Variants in TP53AIP1 observed in about 807,000 individuals in gnomAD.
The protein encoded by TP53AIP1 is tumor protein p53 regulated apoptosis inducing protein 1.
A neutral mutation model predicts 9.5 loss-of-function variants in TP53AIP1; 14 were observed. That is an observed-to-expected ratio of 1.47 (90% CI 0.97 to 2.30). The LOEUF is 2.30. Among genes scored for constraint, TP53AIP1 ranks in the 30% most tolerant of loss-of-function variants. The pLI is 0.00. For missense variants in TP53AIP1, 153 were observed against 146.7 expected, an observed-to-expected ratio of 1.04 and a Z score of -0.22; for synonymous variants, 73 against 61.2, an observed-to-expected ratio of 1.19 and a Z score of -0.90.
At chr11:128,942,312 C>G (rs10893937) in intron 1 of TP53AIP1, among the ~76,000 whole-genome samples, 45,051 of 152,072 alleles carry the variant, frequency 0.3, 7,131 homozygotes, top group Middle Eastern at 0.43. Context: ...AGGGGCCCTG[C>G]TCAGTGTCCA....
In TP53AIP1 at chr11:128,935,656, T is replaced by C. The variant is rs774776079; in HGVS notation, c.310A>G (p.Arg104Gly). The C allele has an allele frequency of 1.9e-6, 3 of 1,588,934 alleles. No homozygotes were observed. Among genetic ancestry groups the C allele is most frequent in the Non-Finnish European group, 2.6e-6 (3 of 1,175,360 alleles). The change falls in exon 4 of 4, where the codon AGG becomes GGG. Residue 104 changes from arginine to glycine, a missense_variant. By Grantham distance (125) the Arg-to-Gly change is moderately radical. Transcript: ENST00000531399. ...FLPGATVLRDRPLGSAFELSY... is the reference protein window; with the variant it reads ...FLPGATVLRDGPLGSAFELSY... ...AGCTCAAATGCTGACCCCAGTGGCC[T>C]GTCTCTAAGCACTGTGGCTCCAGGA...
At chr11:128,940,255 C>T (rs1277287193) in intron 1 of TP53AIP1, among the ~76,000 whole-genome samples, 1 of 152,162 alleles carries the variant, frequency 6.6e-6, no homozygotes, top group Non-Finnish European at 1.5e-5. Flanking sequence ...GACAGCTATC[C>T]TCTGTCCTGC....
Position 128,937,218 on chromosome 11 carries a change from A to C in TP53AIP1, c.141+460T>G. On this transcript the variant is annotated intron_variant, in intron 2 of 3. Transcript: ENST00000531399. This position sits in a 1 kb window ranked among gnomAD's most constrained non-coding sequence, Gnocchi z 4.8. The stretch of plus-strand genomic sequence containing the variant: ...AGGAAACGACTTCTTGGAGTAAGTG[A>C]CTGGTGCTCCGAGGCCCATCTGGAC... 8.2e-7 allele frequency: 1 copy of C among 1,216,120 alleles called. No individual in the cohort carries two copies. Among genetic ancestry groups the C allele is most frequent in the East Asian group, 3.7e-5 (1 of 27,184 alleles). The allele number at this position is 1,216,120 out of a possible 1,614,324, so 75.3% of individuals were successfully genotyped here. A position where few individuals can be genotyped will look rare whatever the true frequency, so the allele number is the denominator to read the frequency against.
chr11:128,935,218 C>T (rs1413022143), downstream of TP53AIP1, among the ~76,000 whole-genome samples: 2 of 152,222 alleles, frequency 1.3e-5, no homozygotes, highest in African/African-American at 2.4e-5. Context: ...TCAAACCGTC[C>T]TTGGAAGTGC....
In TP53AIP1 at chr11:128,935,517, T is replaced by TGTC; in HGVS notation, c.*73_*74insGAC. On this transcript the variant is annotated 3_prime_UTR_variant, in exon 4 of 4. Coordinates refer to ENST00000531399, the MANE Select transcript of TP53AIP1 (RefSeq NM_022112.3). The stretch of plus-strand genomic sequence containing the variant: ...CCATTTCTCGACGGTGCTTTCTGTT[T>TGTC]GTTTGTTTGTTTTTGTTTTGAGATG... 1 of 1,507,954 alleles carries TGTC rather than the reference T, an allele frequency of 6.6e-7. No individual in the cohort carries two copies. The highest frequency in any genetic ancestry group is 8.8e-7 in the Non-Finnish European group (1 of 1,134,162). The allele number at this position is 1,507,954 out of a possible 1,614,324, so 93.4% of individuals were successfully genotyped here. A position where few individuals can be genotyped will look rare whatever the true frequency, so the allele number is the denominator to read the frequency against.
downstream of TP53AIP1, chr11:128,935,359 C>A (rs901795915): frequency 7.1e-7 from 1 of 1,414,700 alleles, no homozygotes; most frequent in African/African-American, 1.4e-5. Context: ...GGAATGCAAA[C>A]TTCACAAGAA....
intron 3 of TP53AIP1, chr11:128,936,331 CTTTTA>C (rs763638487): frequency 4.1e-4 from 559 of 1,368,908 alleles, no homozygotes; most frequent in Non-Finnish European, 4.8e-4. Flanking sequence ...GTACCGTTAC[CTTTTA>C]TTTTAATTTG....
At chr11:128,934,925 C>G (rs1392192211), downstream of TP53AIP1, 3 of 695,524 alleles carry the variant, frequency 4.3e-6, no homozygotes, top group Non-Finnish European at 7.9e-6. Flanking sequence ...CCCAGGGAAG[C>G]TGGGGGATTT....
At chr11:128,935,020 ACAGGC>A, downstream of TP53AIP1, 1 of 703,116 alleles carries the variant, frequency 1.4e-6, no homozygotes, top group Non-Finnish European at 2.6e-6. Flanking sequence ...AGCTCTGCAC[ACAGGC>A]CAGGCAAGCT....
In TP53AIP1 at chr11:128,936,520, T is replaced by C. The variant is rs1944826800; in HGVS notation, c.253+18A>G. ...TCACGGCCCACACCCATGAATTCAC[T>C]AAGTAATTATCACACACCTGTCAGG... is the stretch of plus-strand genomic sequence containing the variant. On this transcript the variant is annotated intron_variant, in intron 3 of 3. Transcript: ENST00000531399. 1 of 1,545,602 alleles carries C rather than the reference T, an allele frequency of 6.5e-7. No individual in the cohort carries two copies. The highest frequency in any genetic ancestry group is 1.2e-5 in the South Asian group (1 of 84,042).
Position 128,937,153 on chromosome 11 carries a change from C to T in TP53AIP1, c.142-504G>A. 1 of 1,092,736 alleles carries T rather than the reference C, an allele frequency of 9.2e-7. No individual in the cohort carries two copies. The highest frequency in any genetic ancestry group is 3.5e-5 in the South Asian group (1 of 28,784). The allele number at this position is 1,092,736 out of a possible 1,614,324, so 67.7% of individuals were successfully genotyped here. On this transcript the variant is annotated intron_variant, in intron 2 of 3. Transcript: ENST00000531399. This position sits in a 1 kb window ranked among gnomAD's most constrained non-coding sequence, Gnocchi z 4.8. ...CTGCATCCTTACCCCCTCCTCAGAG[C>T]CCACAAGCTTCCGAGTGCGTCATCT...
At chr11:128,936,798 T>A in intron 2 of TP53AIP1, 149 bp from the exon 3 acceptor site, 2 of 1,431,640 alleles carry the variant, frequency 1.4e-6, no homozygotes, top group African/African-American at 1.4e-5. Context: ...CAGGTTCCCA[T>A]GGAAACCAAA....
intron 1 of TP53AIP1, among the ~76,000 whole-genome samples, chr11:128,941,246 C>T (rs991127410): frequency 1.4e-4 from 22 of 152,166 alleles, no homozygotes; most frequent in Non-Finnish European, 2.4e-4. Context: ...CCGCTCTGTG[C>T]CCTCACACAA....
intron 3 of TP53AIP1, chr11:128,935,975 G>A (rs1361968165): frequency 1.9e-6 from 2 of 1,076,534 alleles, no homozygotes; most frequent in Admixed American, 8.2e-5. Flanking sequence ...AGATATGTAG[G>A]ACATACTACG....
rs74749898 is a variant in TP53AIP1 at position 128,938,996 on chromosome 11, G to A, written c.-76-1102C>T. 8.3e-3 allele frequency among the ~76,000 whole-genome samples: 1,258 copies of A among 152,272 alleles called. 12 individuals carry two copies. Among genetic ancestry groups the A allele is most frequent in the Non-Finnish European group, 0.013 (870 of 68,028 alleles). Reference sequence around the variant, plus strand: ...GTCAATTCGGACCAGTTTGGTACATGCTGGCCATGTGCGGTGACCACGCTA... The same window carrying A: ...GTCAATTCGGACCAGTTTGGTACATACTGGCCATGTGCGGTGACCACGCTA... On this transcript the variant is annotated intron_variant, in intron 1 of 3. Transcript: ENST00000531399.
In TP53AIP1 at chr11:128,940,365, T is replaced by TTGAACG. The variant is rs138493516; in HGVS notation, c.-77+2423_-77+2428dup. Among the ~76,000 whole-genome samples the TTGAACG allele has an allele frequency of 1.9e-3, 282 of 152,296 alleles. 2 individuals are homozygous for TTGAACG. The highest frequency in any genetic ancestry group is 3.1e-3 in the Non-Finnish European group (208 of 68,022). On this transcript the variant is annotated intron_variant, in intron 1 of 3. Transcript: ENST00000531399. Reference sequence around the variant, plus strand: ...AAGCAGCCTTAGATGGTGTTATGGTTTGAACGTGTTTCCCCCGCAAAATCC... The same window carrying TTGAACG: ...AAGCAGCCTTAGATGGTGTTATGGTTTGAACGTGAACGTGTTTCCCCCGCAAAATCC...
intron 3 of TP53AIP1, chr11:128,936,142 G>A: frequency 9.8e-7 from 1 of 1,022,124 alleles, no homozygotes; most frequent in Non-Finnish European, 1.2e-6. Context: ...AAGTGGTAGA[G>A]TCAGGATTTG....
chr11:128,935,641 C>T lies in TP53AIP1; in HGVS notation c.325G>A (p.Ala109Thr). ...TVLRDRPLGS[A>T]FELSYDQKKA... ...TTCTGATCATAGCTGAGCTCAAATG[C>T]TGACCCCAGTGGCCTGTCTCTAAGC... The change falls in exon 4 of 4, where the codon GCA becomes ACA. Residue 109 changes from alanine (A) to threonine (T), a missense_variant. Physicochemically the swap from Ala to Thr is moderately conservative, Grantham distance 58. Coordinates refer to ENST00000531399, the MANE Select transcript of TP53AIP1 (RefSeq NM_022112.3). 1 of 1,586,942 alleles carries T rather than the reference C, an allele frequency of 6.3e-7. No individual in the cohort carries two copies. Among genetic ancestry groups the T allele is most frequent in the Non-Finnish European group, 8.5e-7 (1 of 1,174,380 alleles).
rs753850230 is a variant in TP53AIP1 at position 128,935,611 on chromosome 11, C to T, written c.355G>A (p.Ala119Thr). Residue 119 changes from alanine to threonine, a missense_variant, in exon 4 of 4, where the codon GCA becomes ACA. Transcript: ENST00000531399. ...TCGGCTCACTGCAACCTCAACGGTG[C>T]TTTTTTCTGATCATAGCTGAGCTCA... ...AFELSYDQKK[A>T]PLRLQ 3 of 1,578,612 alleles carry T rather than the reference C, an allele frequency of 1.9e-6. No homozygotes were observed. The highest frequency in any genetic ancestry group is 2.6e-6 in the Non-Finnish European group (3 of 1,170,168).
Sources: gnomAD v4.1 joint callset for allele counts (sites outside exome capture counted in the v4.1 genomes callset) on GRCh38, gnomAD v4.1.1 for gene constraint, Gnocchi (gnomAD v3.1) non-coding constraint, MANE v1.5 for transcripts, NCBI Gene and HGNC (gene_info 2026-07-23, HGNC 2026-07-21) for gene names.